The following CATSPERE variants were observed in gnomAD, a reference collection of about 807,000 sequenced individuals.
CATSPERE encodes cation channel sperm-associated auxiliary subunit epsilon.
A neutral mutation model predicts 114.1 loss-of-function variants in CATSPERE; 93 were observed. The observed-to-expected ratio is 0.81, with a 90% CI of 0.69 to 0.97. The LOEUF is 0.97. Among genes scored for constraint, CATSPERE ranks in the 50% least tolerant of loss-of-function variants. The pLI is 0.00. For synonymous variants in CATSPERE, 341 were observed against 384.1 expected (o/e 0.89, Z 1.31); for missense variants, 1,058 against 1,131.6 (o/e 0.93, Z 0.93).
chr1:244,453,709 G>A (rs555965131), upstream of CATSPERE, among the ~76,000 whole-genome samples: 13 of 152,296 alleles, frequency 8.5e-5, no homozygotes, highest in African/African-American at 2.6e-4. Context: ...CCGGGGAGAC[G>A]TCCCTTAACT....
At position 244,606,444 on chromosome 1, in the gene CATSPERE, C is replaced by CA. The variant is rs112674406; in HGVS notation, c.2403+662dup. 8.6e-3 allele frequency among the ~76,000 whole-genome samples: 1,134 copies of CA among 132,488 alleles called. 13 individuals carry two copies. The highest frequency in any genetic ancestry group is 0.024 in the African/African-American group (863 of 36,164). The allele number at this position is 132,488 out of a possible 152,430, so 86.9% of individuals were successfully genotyped here. On this transcript the variant is annotated intron_variant, in intron 18 of 21. Coordinates refer to ENST00000366534, the MANE Select transcript of CATSPERE (RefSeq NM_001130957.2). Reference sequence around the variant, plus strand: ...TAATATTCCCCACAGATTTCACTCGCAAAAAAAAAAAACACAAAAAACAGG... The same window carrying CA: ...TAATATTCCCCACAGATTTCACTCGCAAAAAAAAAAAAACACAAAAAACAGG...
At chr1:244,499,578 G>A (rs1309414868) in intron 7 of CATSPERE, among the ~76,000 whole-genome samples, 1 of 143,094 alleles carries the variant, frequency 7.0e-6, no homozygotes, top group Non-Finnish European at 1.5e-5. Context: ...CCAATTATGA[G>A]TAAGAACATG....
At chr1:244,603,095 C>T (rs1014161819) in intron 17 of CATSPERE, among the ~76,000 whole-genome samples, 1 of 152,086 alleles carries the variant, frequency 6.6e-6, no homozygotes, top group African/African-American at 2.4e-5. Flanking sequence ...TGTAGTGTGT[C>T]TGCCTCTGGG....
intron 18 of CATSPERE, 51 bp from the exon 19 acceptor site, chr1:244,610,189 G>A: frequency 8.5e-7 from 1 of 1,173,960 alleles, no homozygotes; most frequent in Non-Finnish European, 1.2e-6. Context: ...TTAGGAATAA[G>A]TTGATATGAA....
At chr1:244,585,930 G>T (rs749173605) in intron 13 of CATSPERE, among the ~76,000 whole-genome samples, 19 of 152,166 alleles carry the variant, frequency 1.2e-4, no homozygotes, top group African/African-American at 2.4e-4. Flanking sequence ...CCCTGGGAGG[G>T]GTGACTACAG....
intron 11 of CATSPERE, among the ~76,000 whole-genome samples, chr1:244,577,930 G>A (rs1665537205): frequency 6.6e-6 from 1 of 152,158 alleles, no homozygotes; most frequent in Admixed American, 6.5e-5. Context: ...ATGATCTATT[G>A]CTACCTACTA....
chr1:244,624,803 GA>G (rs1023078642), intron 20 of CATSPERE, among the ~76,000 whole-genome samples: 105 of 138,268 alleles, frequency 7.6e-4, no homozygotes, highest in East Asian at 1.7e-3. Context: ...GTCCATCAAA[GA>G]AAAAAAAAAA....
chr1:244,595,128 A>G (rs1390817976), intron 17 of CATSPERE, among the ~76,000 whole-genome samples: 1 of 152,184 alleles, frequency 6.6e-6, no homozygotes, highest in African/African-American at 2.4e-5. Context: ...CATCATTGCT[A>G]AACACCTACT....
intron 6 of CATSPERE, among the ~76,000 whole-genome samples, chr1:244,496,955 G>A (rs1673191854): frequency 6.6e-6 from 1 of 152,182 alleles, no homozygotes; most frequent in African/African-American, 2.4e-5. Flanking sequence ...AATGAAGGTA[G>A]CATCTCAAAT....
intron 17 of CATSPERE, among the ~76,000 whole-genome samples, chr1:244,603,253 T>C (rs367571569): frequency 5.9e-5 from 9 of 152,244 alleles, no homozygotes; most frequent in Admixed American, 1.3e-4. Flanking sequence ...CCAGAAGTTA[T>C]GGCATCAGAA....
intron 7 of CATSPERE, among the ~76,000 whole-genome samples, chr1:244,510,609 A>G (rs977664183): frequency 6.6e-6 from 1 of 152,108 alleles, no homozygotes; most frequent in African/African-American, 2.4e-5. Flanking sequence ...TGTTTTGTAA[A>G]TGTCTGTTAG....
chr1:244,510,835 C>CTTTTTTTTTTTTTTCTTTTTT (rs1675599094), intron 7 of CATSPERE, among the ~76,000 whole-genome samples: 1 of 48,342 alleles, frequency 2.1e-5, no homozygotes, highest in Non-Finnish European at 4.0e-5. Context: ...TTTTCTTTTT[C>CTTTTTTTTTTTTTTCTTTTTT]TTTTTTTTTT....
intron 8 of CATSPERE, among the ~76,000 whole-genome samples, chr1:244,535,200 C>T (rs1442682954): frequency 1.3e-5 from 2 of 152,240 alleles, no homozygotes; most frequent in Admixed American, 1.3e-4. Flanking sequence ...TGGGACTGCA[C>T]TGGGTCAGAC....
chr1:244,596,396 C>T (rs762170731), intron 17 of CATSPERE, among the ~76,000 whole-genome samples: 2 of 152,182 alleles, frequency 1.3e-5, no homozygotes, highest in South Asian at 2.1e-4. Flanking sequence ...TTCTGCTGTA[C>T]GCTTCACTCT....
In CATSPERE at chr1:244,570,224, T is replaced by C. The variant is rs191081639; in HGVS notation, c.1508-2106T>C. The stretch of plus-strand genomic sequence containing the variant: ...CATTTTATGTAGATTTTCTAATTTA[T>C]TGGCAAAAGTAGGCTATTTTAACTT... On this transcript the variant is annotated intron_variant, in intron 10 of 21. Transcript: ENST00000366534. 3.1e-3 allele frequency among the ~76,000 whole-genome samples: 469 copies of C among 152,282 alleles called. 1 individual carries two copies. Among genetic ancestry groups the C allele is most frequent in the Non-Finnish European group, 5.4e-3 (366 of 68,018 alleles).
chr1:244,621,739 C>T (rs553808284), intron 20 of CATSPERE, among the ~76,000 whole-genome samples: 51 of 151,998 alleles, frequency 3.4e-4, no homozygotes, highest in African/African-American at 1.1e-3. Context: ...GATGAAAGAC[C>T]AAGAAACTAT....
At chr1:244,631,077 G>T (rs902699176) in intron 20 of CATSPERE, among the ~76,000 whole-genome samples, 2 of 152,070 alleles carry the variant, frequency 1.3e-5, no homozygotes, top group East Asian at 3.8e-4. Flanking sequence ...TCTAGAACTT[G>T]GTAGGATCTA....
At chr1:244,457,491 A>AG (rs978014536), upstream of CATSPERE, 2 of 152,200 alleles carry the variant, frequency 1.3e-5, no homozygotes, top group African/African-American at 4.8e-5. Context: ...GATAAATGGC[A>AG]GGGGAAAAAA....
intron 7 of CATSPERE, among the ~76,000 whole-genome samples, chr1:244,508,320 A>ATTT (rs1675137361): frequency 7.7e-6 from 1 of 129,806 alleles, no homozygotes. Context: ...TTTTTTTTTG[A>ATTT]GACAGAGTCT....
Sources: gnomAD v4.1 joint callset for allele counts (sites outside exome capture counted in the v4.1 genomes callset) on GRCh38, gnomAD v4.1.1 for gene constraint, MANE v1.5 for transcripts, NCBI Gene and HGNC (gene_info 2026-07-23, HGNC 2026-07-21) for gene names.